The following NEURL1B variants were observed in gnomAD, a reference collection of about 807,000 sequenced individuals.
NEURL1B encodes the protein E3 ubiquitin-protein ligase NEURL1B.
NEURL1B carries 13 observed loss-of-function variants against 37.4 expected under a neutral mutation model. That is an observed-to-expected ratio of 0.35 (90% CI 0.23 to 0.55). The LOEUF (loss-of-function observed/expected upper bound fraction) is 0.55, where lower values mean the gene tolerates loss of function less well. Among genes scored for constraint, NEURL1B ranks in the 20% least tolerant of loss-of-function variants. The pLI, the probability that NEURL1B is intolerant of heterozygous loss-of-function variation, is 0.89. For synonymous variants in NEURL1B, 432 were observed against 426.6 expected (o/e 1.01, Z -0.16); for missense variants, 790 against 879.2 (o/e 0.90, Z 1.28).
At chr5:172,646,017 T>C (rs1757554111) in intron 1 of NEURL1B, among the ~76,000 whole-genome samples, 1 of 152,192 alleles carries the variant, frequency 6.6e-6, no homozygotes, top group Admixed American at 6.5e-5. Context: ...TCATAAACTT[T>C]TGTTTCAGTT....
chr5:172,641,283 C>A lies in NEURL1B; in HGVS notation c.-124C>A. 1 of 889,626 alleles carries A rather than the reference C, an allele frequency of 1.1e-6. No individual in the cohort carries two copies. Among genetic ancestry groups the A allele is most frequent in the Non-Finnish European group, 1.5e-6 (1 of 685,966 alleles). 55.1% of individuals were successfully genotyped at this position (889,626 alleles called of 1,614,324 possible). The stretch of plus-strand genomic sequence containing the variant: ...CGGCTCCCGCCCCAGCTGCCGCCCG[C>A]CGGCTCGCCCGTGCAGCTGCGATGC... On this transcript the variant is annotated 5_prime_UTR_variant, in exon 1 of 5. Transcript: ENST00000369800. This position sits in a 1 kb window ranked among gnomAD's most constrained non-coding sequence, Gnocchi z 6.4.
chr5:172,644,486 G>T (rs1462664041), intron 1 of NEURL1B, among the ~76,000 whole-genome samples: 1 of 152,222 alleles, frequency 6.6e-6, no homozygotes, highest in African/African-American at 2.4e-5. Flanking sequence ...AAATGCCAAA[G>T]AAAGGGAAGG....
At position 172,683,304 on chromosome 5, in the gene NEURL1B, G is replaced by C; in HGVS notation, c.578-115G>C. 1.7e-6 allele frequency: 2 copies of C among 1,193,388 alleles called. No individual in the cohort carries two copies. Among genetic ancestry groups the C allele is most frequent in the Non-Finnish European group, 2.1e-6 (2 of 948,560 alleles). The allele number at this position is 1,193,388 out of a possible 1,614,324, so 73.9% of individuals were successfully genotyped here. A position where few individuals can be genotyped will look rare whatever the true frequency, so the allele number is the denominator to read the frequency against. ...TCGAAGCCGGGGTGGGGTGGGGGCT[G>C]CTCGAGGCCCGGGTCGGTCGTGGAG... is the stretch of plus-strand genomic sequence containing the variant. On this transcript the variant is annotated intron_variant, in intron 2 of 4. Transcript: ENST00000369800. The surrounding 1 kb of genome is among the most constrained non-coding windows in gnomAD (Gnocchi z 5.6).
Position 172,661,248 on chromosome 5 carries a change from A to G in NEURL1B, c.32-8537A>G, listed in dbSNP as rs1456829445. 2.0e-5 allele frequency among the ~76,000 whole-genome samples: 3 copies of G among 152,194 alleles called. No homozygotes were observed. The highest frequency in any genetic ancestry group is 4.4e-5 in the Non-Finnish European group (3 of 68,040). On this transcript the variant is annotated intron_variant, in intron 1 of 4. Coordinates refer to ENST00000369800, the MANE Select transcript of NEURL1B (RefSeq NM_001142651.3). This position sits in a 1 kb window ranked among gnomAD's most constrained non-coding sequence, Gnocchi z 4.0. ...AGGTCCAGGTCCAGGAAGCCCCTGA[A>G]GTTGAATATCAGATTGTGCATGGAG...
In NEURL1B at chr5:172,647,558, C is replaced by T. The variant is rs1021446281; in HGVS notation, c.31+6121C>T. Among the ~76,000 whole-genome samples the T allele has an allele frequency of 6.6e-6, 1 of 152,060 alleles. No homozygotes were observed. Among genetic ancestry groups the T allele is most frequent in the African/African-American group, 2.4e-5 (1 of 41,392 alleles). ...GGGCACTGCACCCTGGGGCCTCTTG[C>T]GGCTCCTCTTGCTGACTTGCTGCTG... On this transcript the variant is annotated intron_variant, in intron 1 of 4. Transcript: ENST00000369800. This position sits in a 1 kb window ranked among gnomAD's most constrained non-coding sequence, Gnocchi z 4.2.
chr5:172,650,233 C>T (rs1379513448), intron 1 of NEURL1B, among the ~76,000 whole-genome samples: 2 of 152,156 alleles, frequency 1.3e-5, no homozygotes, highest in African/African-American at 4.8e-5. Context: ...ACTTTCCAGT[C>T]CAAACAAGCA....
At chr5:172,653,537 T>TAA (rs1757707846) in intron 1 of NEURL1B, among the ~76,000 whole-genome samples, 2 of 152,332 alleles carry the variant, frequency 1.3e-5, no homozygotes, top group South Asian at 4.1e-4. Context: ...CATGTTATTT[T>TAA]AATGTCCAGT....
At position 172,683,631 on chromosome 5, in the gene NEURL1B, C is replaced by A. The variant is rs748943341; in HGVS notation, c.790C>A (p.Arg264Ser). ...AAAAAIPCGPRERPRPASSPA... is the reference protein window; with the variant it reads ...AAAAAIPCGPSERPRPASSPA... ...GGCCGCCGCCATTCCGTGCGGGCCC[C>A]GTGAGCGCCCGCGGCCCGCGTCGTC... Residue 264 changes from arginine (R) to serine (S), a missense_variant, in exon 3 of 5, where the codon CGT (arginine) becomes AGT (serine). Physicochemically the swap from Arg to Ser is moderately radical, Grantham distance 110. Coordinates refer to ENST00000369800, the MANE Select transcript of NEURL1B (RefSeq NM_001142651.3). This position sits in a 1 kb window ranked among gnomAD's most constrained non-coding sequence, Gnocchi z 5.6. 1 of 1,231,642 alleles carries A rather than the reference C, an allele frequency of 8.1e-7. No homozygotes were observed. The highest frequency in any genetic ancestry group is 2.0e-5 in the South Asian group (1 of 49,920). The allele number at this position is 1,231,642 out of a possible 1,614,324, so 76.3% of individuals were successfully genotyped here.
rs1410871164 is a variant in NEURL1B, at chr5:172,689,379, A to G, written c.*2454A>G. 1 of 152,192 alleles carries G rather than the reference A, an allele frequency of 6.6e-6. No homozygotes were observed. Among genetic ancestry groups the G allele is most frequent in the Non-Finnish European group, 1.5e-5 (1 of 68,040 alleles). The allele number at this position is 152,192 out of a possible 1,614,324, so 9.4% of individuals were successfully genotyped here. A position where few individuals can be genotyped will look rare whatever the true frequency, so the allele number is the denominator to read the frequency against. On this transcript the variant is annotated 3_prime_UTR_variant, in exon 5 of 5. Transcript: ENST00000369800. ...GCTAGAGAGGCACCTTCCTGCGTGA[A>G]TCCTGTGCGGCAGGTCTTATTGCCA...
At chr5:172,653,294 C>G (rs1757702697) in intron 1 of NEURL1B, among the ~76,000 whole-genome samples, 1 of 152,092 alleles carries the variant, frequency 6.6e-6, no homozygotes, top group African/African-American at 2.4e-5. Flanking sequence ...AGTTTTTAGA[C>G]TGAAGAAATC....
intron 3 of NEURL1B, among the ~76,000 whole-genome samples, chr5:172,684,466 CT>C (rs1758443458): frequency 1.3e-5 from 2 of 152,146 alleles, no homozygotes; most frequent in African/African-American, 4.8e-5. Context: ...TATCTCCGAG[CT>C]TGGCAGGCTA....
At chr5:172,671,467 C>T (rs920586722) in intron 2 of NEURL1B, among the ~76,000 whole-genome samples, 9 of 152,226 alleles carry the variant, frequency 5.9e-5, no homozygotes, top group Admixed American at 5.2e-4. Flanking sequence ...GTCAAGCCTT[C>T]TCTTCTCCAG....
At chr5:172,643,378 T>C (rs1757503800) in intron 1 of NEURL1B, among the ~76,000 whole-genome samples, 1 of 152,250 alleles carries the variant, frequency 6.6e-6, no homozygotes, top group African/African-American at 2.4e-5. Flanking sequence ...GTGCTTGGCA[T>C]GTGATGGTCC....
rs149963964 is a variant in NEURL1B, at chr5:172,685,018, C to T, written c.1297+880C>T. On this transcript the variant is annotated intron_variant, in intron 3 of 4. Coordinates refer to ENST00000369800, the MANE Select transcript of NEURL1B (RefSeq NM_001142651.3). ...CTCTATTGAAATCAGTATCATTATC[C>T]CCACCTACAGATAAGATAATGAGCA... Among the ~76,000 whole-genome samples the T allele has an allele frequency of 7.9e-5, 12 of 152,224 alleles. No homozygotes were observed. In the East Asian group the frequency reaches 2.3e-3, roughly 29 times the overall value.
At chr5:172,651,737 T>A (rs1757669627) in intron 1 of NEURL1B, among the ~76,000 whole-genome samples, 1 of 152,258 alleles carries the variant, frequency 6.6e-6, no homozygotes, top group South Asian at 2.1e-4. Flanking sequence ...AATCTACATT[T>A]TTATTAACTG....
intron 3 of NEURL1B, among the ~76,000 whole-genome samples, chr5:172,685,511 T>G (rs1758475175): frequency 6.6e-6 from 1 of 152,198 alleles, no homozygotes; most frequent in African/African-American, 2.4e-5. Flanking sequence ...GGAAGAAAAC[T>G]CATCCATGTT....
At position 172,641,873 on chromosome 5, in the gene NEURL1B, C is replaced by T. The variant is rs1275024159; in HGVS notation, c.31+436C>T. The stretch of plus-strand genomic sequence containing the variant: ...AGCTGCCGAGAGTGAGGGGTGCTCT[C>T]AGGGGCACCCCAGTTTCCAGCCTCC... On this transcript the variant is annotated intron_variant, in intron 1 of 4. Coordinates refer to ENST00000369800, the MANE Select transcript of NEURL1B (RefSeq NM_001142651.3). This position sits in a 1 kb window ranked among gnomAD's most constrained non-coding sequence, Gnocchi z 6.4. Among the ~76,000 whole-genome samples the T allele has an allele frequency of 1.3e-5, 2 of 152,238 alleles. No homozygotes were observed. Among genetic ancestry groups the T allele is most frequent in the African/African-American group, 4.8e-5 (2 of 41,468 alleles).
intron 1 of NEURL1B, among the ~76,000 whole-genome samples, chr5:172,669,073 T>C (rs1758070155): frequency 3.3e-5 from 5 of 152,180 alleles, no homozygotes; most frequent in Non-Finnish European, 7.3e-5. Context: ...AGTAATAATA[T>C]CATATTATTA....
At chr5:172,658,036 G>A (rs573863064) in intron 1 of NEURL1B, among the ~76,000 whole-genome samples, 52 of 152,148 alleles carry the variant, frequency 3.4e-4, no homozygotes, top group Non-Finnish European at 7.1e-4. Context: ...CAGTGATCAC[G>A]TGACTTGCTT....
Sources: gnomAD v4.1 joint callset for allele counts (sites outside exome capture counted in the v4.1 genomes callset) on GRCh38, gnomAD v4.1.1 for gene constraint, Gnocchi (gnomAD v3.1) non-coding constraint, MANE v1.5 for transcripts, NCBI Gene and HGNC (gene_info 2026-07-23, HGNC 2026-07-21) for gene names.